MSRA: variants seen among roughly 807,000 people sequenced by gnomAD.
MSRA encodes the protein mitochondrial peptide methionine sulfoxide reductase.
MSRA carries 54 observed loss-of-function variants against 31.3 expected under a neutral mutation model. That is an observed-to-expected ratio of 1.73 (90% CI 1.39 to 2.17). The LOEUF (loss-of-function observed/expected upper bound fraction) is 2.17, where lower values mean the gene tolerates loss of function less well. Ranked by LOEUF, MSRA falls within the 30% of genes most tolerant of loss-of-function variation. The pLI is 0.00. For synonymous variants in MSRA, 169 were observed against 116.5 expected, an observed-to-expected ratio of 1.45 and a Z score of -2.90; for missense variants, 507 against 300.9, an observed-to-expected ratio of 1.69 and a Z score of -5.07.
chr8:10,390,028 C>T (rs955195250), intron 5 of MSRA, among the ~76,000 whole-genome samples: 23 of 152,108 alleles, frequency 1.5e-4, no homozygotes, highest in African/African-American at 4.8e-4. Flanking sequence ...CTGCCTCACC[C>T]GAGCCCACTC....
At chr8:10,062,888 A>G (rs1414542438) in intron 1 of MSRA, among the ~76,000 whole-genome samples, 1 of 152,194 alleles carries the variant, frequency 6.6e-6, no homozygotes, top group East Asian at 1.9e-4. Flanking sequence ...TCAGGTAGCA[A>G]TTCCACCATT....
chr8:10,316,354 G>C (rs914404983), intron 4 of MSRA, among the ~76,000 whole-genome samples: 1 of 152,074 alleles, frequency 6.6e-6, no homozygotes, highest in Non-Finnish European at 1.5e-5. Context: ...GCCTCTCTCT[G>C]AGTGTCAGTT....
In MSRA at chr8:10,274,289, A is replaced by C. The variant is rs12681109; in HGVS notation, c.332-27245A>C. On this transcript the variant is annotated intron_variant, in intron 3 of 5. Coordinates refer to ENST00000317173, the MANE Select transcript of MSRA (RefSeq NM_012331.5). ...CAGGGGAGCAGGTCCATTGTTTTCA[A>C]ATATTTGAAAAACAGCTGCCTGAGG... 2.6e-5 allele frequency among the ~76,000 whole-genome samples: 4 copies of C among 152,268 alleles called. No individual in the cohort carries two copies. In the East Asian group the frequency reaches 7.7e-4, roughly 29 times the overall value.
intron 1 of MSRA, among the ~76,000 whole-genome samples, chr8:10,148,687 A>G (rs1803377323): frequency 6.6e-6 from 1 of 150,958 alleles, no homozygotes; most frequent in Admixed American, 6.6e-5. Flanking sequence ...TTAACAAGTA[A>G]TCATTTTGGG....
At chr8:10,238,094 GC>G (rs990101051) in intron 2 of MSRA, among the ~76,000 whole-genome samples, 9 of 152,130 alleles carry the variant, frequency 5.9e-5, no homozygotes, top group Non-Finnish European at 1.2e-4. Context: ...TCTTTGTCCT[GC>G]TACTTCCTCC....
chr8:10,063,611 G>A (rs2128913856), intron 1 of MSRA, among the ~76,000 whole-genome samples: 1 of 152,326 alleles, frequency 6.6e-6, no homozygotes, highest in South Asian at 2.1e-4. Context: ...GATTAGTCAT[G>A]AGGGTGGAAC....
chr8:10,283,156 A>ACTCTCTCTCTCTCTCTCT (rs1306331077), intron 3 of MSRA, among the ~76,000 whole-genome samples: 1 of 85,040 alleles, frequency 1.2e-5, no homozygotes, highest in Non-Finnish European at 2.6e-5. Context: ...ACACACACAC[A>ACTCTCTCTCTCTCTCTCT]CACACTCTCA....
chr8:10,263,417 C>G (rs527903694), intron 3 of MSRA, among the ~76,000 whole-genome samples: 60 of 152,212 alleles, frequency 3.9e-4, no homozygotes, highest in Non-Finnish European at 8.4e-4. Flanking sequence ...GGAAAAAAGA[C>G]TACATCATTC....
chr8:10,377,569 C>T (rs1163319342), intron 5 of MSRA, among the ~76,000 whole-genome samples: 1 of 152,170 alleles, frequency 6.6e-6, no homozygotes, highest in African/African-American at 2.4e-5. Context: ...CAGAAGTGTA[C>T]TCTGCAATTT....
At chr8:10,364,463 A>G (rs777961041) in intron 5 of MSRA, among the ~76,000 whole-genome samples, 5 of 152,238 alleles carry the variant, frequency 3.3e-5, no homozygotes, top group Non-Finnish European at 4.4e-5. Flanking sequence ...GTGCCCAAGG[A>G]AGAGAATTGT....
At chr8:10,115,941 C>A (rs564889115) in intron 1 of MSRA, among the ~76,000 whole-genome samples, 1 of 152,164 alleles carries the variant, frequency 6.6e-6, no homozygotes, top group Non-Finnish European at 1.5e-5. Context: ...GTGGTGGGGA[C>A]CATAGGGCCA....
chr8:10,409,602 A>G (rs1808033503), intron 5 of MSRA, among the ~76,000 whole-genome samples: 1 of 152,214 alleles, frequency 6.6e-6, no homozygotes, highest in Non-Finnish European at 1.5e-5. Context: ...TGAGGATAAC[A>G]TCAGACAGCA....
intron 1 of MSRA, among the ~76,000 whole-genome samples, chr8:10,064,355 C>G (rs1314168851): frequency 6.6e-6 from 1 of 151,882 alleles, no homozygotes; most frequent in African/African-American, 2.4e-5. Context: ...AGGCTTTTGC[C>G]CATTTTTTTT....
chr8:10,293,872 G>A (rs530258391), intron 3 of MSRA, among the ~76,000 whole-genome samples: 34 of 152,236 alleles, frequency 2.2e-4, no homozygotes, highest in South Asian at 1.2e-3. Flanking sequence ...GATCTGTGGC[G>A]CTCTAGACCA....
chr8:10,405,464 TAAAGAG>T (rs952320761), intron 5 of MSRA, among the ~76,000 whole-genome samples: 13 of 152,312 alleles, frequency 8.5e-5, no homozygotes, highest in African/African-American at 3.1e-4. Flanking sequence ...GCCAGATTCT[TAAAGAG>T]AGAGAGAGAA....
chr8:10,399,418 G>A (rs960239885), intron 5 of MSRA, among the ~76,000 whole-genome samples: 10 of 152,186 alleles, frequency 6.6e-5, no homozygotes, highest in East Asian at 1.9e-4. Context: ...ATGGCTTAGC[G>A]CCATCTCCTT....
At chr8:10,216,118 C>T (rs578259526) in intron 2 of MSRA, among the ~76,000 whole-genome samples, 1 of 152,190 alleles carries the variant, frequency 6.6e-6, no homozygotes, top group East Asian at 1.9e-4. Context: ...TAATATAAAA[C>T]CTAATATTAT....
chr8:10,216,414 A>G (rs1809992062), intron 2 of MSRA, among the ~76,000 whole-genome samples: 1 of 148,660 alleles, frequency 6.7e-6, no homozygotes, highest in African/African-American at 2.5e-5. Context: ...AAATTGTGGT[A>G]ACAGATACAT....
rs150856124 is a variant in MSRA at position 10,282,432 on chromosome 8, T to C, written c.332-19102T>C. Among the ~76,000 whole-genome samples, 3 of 152,364 alleles carry C rather than the reference T, an allele frequency of 2.0e-5. No homozygotes were observed. The East Asian group carries it at 5.8e-4, about 29-fold the overall frequency. ...CCAAGATGAAAGCTACAAAAGTCAT[T>C]GATCCAGATGTTTTCTGTTATCTGC... On this transcript the variant is annotated intron_variant, in intron 3 of 5. Coordinates refer to ENST00000317173, the MANE Select transcript of MSRA (RefSeq NM_012331.5).
Sources: allele counts gnomAD v4.1 joint callset (sites outside exome capture counted in the v4.1 genomes callset), GRCh38; gene constraint gnomAD v4.1.1; transcripts MANE v1.5; gene names NCBI Gene and HGNC (gene_info 2026-07-23, HGNC 2026-07-21).